SMYD3: variants seen among roughly 807,000 people sequenced by gnomAD.
The protein encoded by SMYD3 is SET and MYND domain containing 3.
Under a neutral mutation model 57.7 loss-of-function variants are expected in SMYD3, and 36 were observed. That is an observed-to-expected ratio of 0.62 (90% CI 0.48 to 0.82). The LOEUF is 0.82. Ranked by LOEUF, SMYD3 falls within the 40% of genes least tolerant of loss-of-function variation. SMYD3 has a pLI of 0.00. For missense variants in SMYD3, 515 were observed against 538.8 expected (o/e 0.96, Z 0.44); for synonymous variants, 211 against 195.0 (o/e 1.08, Z -0.68).
intron 5 of SMYD3, among the ~76,000 whole-genome samples, chr1:246,235,855 T>G (rs1378894422): frequency 6.6e-6 from 1 of 152,196 alleles, no homozygotes; most frequent in African/African-American, 2.4e-5. Flanking sequence ...TACTGGGCAC[T>G]TGAAATATGG....
At chr1:245,855,322 C>CT (rs1156717970) in intron 10 of SMYD3, among the ~76,000 whole-genome samples, 1 of 98,506 alleles carries the variant, frequency 1.0e-5, no homozygotes, top group Non-Finnish European at 3.1e-5. Flanking sequence ...TTTTTAGGGG[C>CT]TGGGGGGGGA....
intron 5 of SMYD3, among the ~76,000 whole-genome samples, chr1:245,950,434 G>A (rs1254356405): frequency 6.6e-6 from 1 of 152,098 alleles, no homozygotes; most frequent in African/African-American, 2.4e-5. Flanking sequence ...TTCTGTAACA[G>A]CAGGATCTGA....
chr1:245,884,258 T>C (rs543463209), intron 8 of SMYD3, among the ~76,000 whole-genome samples: 1 of 152,188 alleles, frequency 6.6e-6, no homozygotes. Flanking sequence ...AGCATGGTTG[T>C]CTGGGGTAAA....
chr1:246,418,548 A>G (rs1321751549), intron 1 of SMYD3, among the ~76,000 whole-genome samples: 1 of 152,212 alleles, frequency 6.6e-6, no homozygotes, highest in Non-Finnish European at 1.5e-5. Context: ...TATCACAAGG[A>G]CAAAGGGATT....
At chr1:246,006,047 C>T (rs1482396691) in intron 5 of SMYD3, among the ~76,000 whole-genome samples, 1 of 137,802 alleles carries the variant, frequency 7.3e-6, no homozygotes, top group African/African-American at 2.6e-5. Context: ...AAGGCGGGAT[C>T]TTGACATTTG....
intron 10 of SMYD3, among the ~76,000 whole-genome samples, chr1:245,829,502 G>T (rs2049711198): frequency 6.6e-6 from 1 of 152,078 alleles, no homozygotes; most frequent in Non-Finnish European, 1.5e-5. Flanking sequence ...GCAAAGATAT[G>T]GAGAGGTACT....
Position 246,058,074 on chromosome 1 carries a change from G to A in SMYD3, c.532-128137C>T, listed in dbSNP as rs145305630. On this transcript the variant is annotated intron_variant, in intron 5 of 11. Transcript: ENST00000490107. The stretch of plus-strand genomic sequence containing the variant: ...CTATGGAAACGGTAAAAAGATCAGC[G>A]GTTGCCAGGGATGAGAGTTGAGAGA... Among the ~76,000 whole-genome samples the A allele has an allele frequency of 4.7e-3, 708 of 150,470 alleles. 6 individuals carry two copies. The highest frequency in any genetic ancestry group is 0.017 in the Middle Eastern group (5 of 286).
chr1:246,252,934 C>T (rs936942363), intron 5 of SMYD3, among the ~76,000 whole-genome samples: 1 of 152,102 alleles, frequency 6.6e-6, no homozygotes, highest in Non-Finnish European at 1.5e-5. Flanking sequence ...AACTTGTGAC[C>T]CGCTAACAGC....
Position 246,372,450 on chromosome 1 carries a change from T to C in SMYD3, c.165-17356A>G, listed in dbSNP as rs576509721. On this transcript the variant is annotated intron_variant, in intron 1 of 11. Coordinates refer to ENST00000490107, the MANE Select transcript of SMYD3 (RefSeq NM_001167740.2). ...AAGTATAGACATCCCTCTAAAAGGCTATGACTACAAGTCATTTGCACTTAG... is the reference window on the plus strand; with the variant it reads ...AAGTATAGACATCCCTCTAAAAGGCCATGACTACAAGTCATTTGCACTTAG... Among the ~76,000 whole-genome samples the C allele has an allele frequency of 2.0e-5, 3 of 152,378 alleles. No individual in the cohort carries two copies. The East Asian group carries it at 5.8e-4, about 29-fold the overall frequency.
At chr1:246,271,392 G>A (rs2064219256) in intron 5 of SMYD3, among the ~76,000 whole-genome samples, 1 of 152,082 alleles carries the variant, frequency 6.6e-6, no homozygotes, top group Non-Finnish European at 1.5e-5. Context: ...ATGTCATGAA[G>A]CTTCTGCCCT....
chr1:245,877,086 TG>T (rs1004696554), intron 8 of SMYD3, among the ~76,000 whole-genome samples: 4 of 152,116 alleles, frequency 2.6e-5, no homozygotes, highest in African/African-American at 9.7e-5. Flanking sequence ...AAGAGGTCCT[TG>T]GGGAGGCCAC....
chr1:246,099,103 T>C (rs945765768), intron 5 of SMYD3, among the ~76,000 whole-genome samples: 1 of 152,232 alleles, frequency 6.6e-6, no homozygotes, highest in Non-Finnish European at 1.5e-5. Flanking sequence ...TCTTTGGTTG[T>C]ATCAGACTGA....
chr1:246,371,262 T>TC (rs2066187951), intron 1 of SMYD3, among the ~76,000 whole-genome samples: 1 of 152,186 alleles, frequency 6.6e-6, no homozygotes, highest in Non-Finnish European at 1.5e-5. Flanking sequence ...ATAAGTGAAT[T>TC]AAGAATCGGT....
At chr1:245,985,510 A>G (rs1350751194) in intron 5 of SMYD3, among the ~76,000 whole-genome samples, 1 of 152,174 alleles carries the variant, frequency 6.6e-6, no homozygotes, top group Non-Finnish European at 1.5e-5. Context: ...TCCTTAAGGA[A>G]AAACATGTCC....
At position 246,377,800 on chromosome 1, in the gene SMYD3, C is replaced by T. The variant is rs2066304699; in HGVS notation, c.165-22706G>A. Among the ~76,000 whole-genome samples the T allele has an allele frequency of 2.0e-5, 3 of 152,186 alleles. No homozygotes were observed. The South Asian group carries it at 6.2e-4, about 31-fold the overall frequency. ...GTATGTATTCCTAGAAGTAAAACTG[C>T]TGAGTTGCAAGAAAGCACAACTTGA... On this transcript the variant is annotated intron_variant, in intron 1 of 11. Transcript: ENST00000490107.
At chr1:246,478,197 A>G (rs1297594460) in intron 1 of SMYD3, among the ~76,000 whole-genome samples, 2 of 152,278 alleles carry the variant, frequency 1.3e-5, no homozygotes, top group African/African-American at 4.8e-5. Flanking sequence ...CTAAACCACA[A>G]TAAGAGTTTC....
chr1:246,458,613 ATTT>A (rs74163446), intron 1 of SMYD3, among the ~76,000 whole-genome samples: 56 of 46,874 alleles, frequency 1.2e-3, no homozygotes, highest in African/African-American at 1.5e-3. Context: ...CGCCTGGCTG[ATTT>A]TTTTTTTTTT....
intron 10 of SMYD3, among the ~76,000 whole-genome samples, chr1:245,789,296 G>A (rs947235501): frequency 6.6e-6 from 1 of 152,198 alleles, no homozygotes; most frequent in African/African-American, 2.4e-5. Context: ...TAAATGGAAA[G>A]TTGTTGCACA....
intron 1 of SMYD3, among the ~76,000 whole-genome samples, chr1:246,364,045 TG>T (rs2066055678): frequency 6.6e-6 from 1 of 152,026 alleles, no homozygotes; most frequent in Non-Finnish European, 1.5e-5. Context: ...TTGCTGGCTT[TG>T]AAGATGGAGG....
Sources: allele counts gnomAD v4.1 joint callset (sites outside exome capture counted in the v4.1 genomes callset), GRCh38; gene constraint gnomAD v4.1.1; transcripts MANE v1.5; gene names NCBI Gene and HGNC (gene_info 2026-07-23, HGNC 2026-07-21).